The following COL27A1 variants were observed in gnomAD, a reference collection of about 807,000 sequenced individuals.
COL27A1 encodes the protein collagen alpha-1(XXVII) chain.
COL27A1 carries 106 observed loss-of-function variants against 251.3 expected under a neutral mutation model. The observed-to-expected ratio is 0.42, with a 90% CI of 0.36 to 0.50. The LOEUF is 0.50. Ranked by LOEUF, COL27A1 falls within the 20% of genes least tolerant of loss-of-function variation. COL27A1 has a pLI of 0.00. For missense variants in COL27A1, 2,325 were observed against 2,522.8 expected (o/e 0.92, Z 1.68); for synonymous variants, 1,000 against 986.3 (o/e 1.01, Z -0.26).
At chr9:114,240,905 G>T (rs759089010) in intron 21 of COL27A1, among the ~76,000 whole-genome samples, 67 of 152,326 alleles carry the variant, frequency 4.4e-4, no homozygotes, top group African/African-American at 1.2e-3. Context: ...TTAGTAGCAG[G>T]CAGGGCTGCA....
intron 22 of COL27A1, among the ~76,000 whole-genome samples, chr9:114,242,737 T>C (rs1026513679): frequency 1.3e-5 from 2 of 152,250 alleles, no homozygotes; most frequent in African/African-American, 2.4e-5. Context: ...CCAAAGGCTT[T>C]TGTTTGAGTG....
At chr9:114,264,288 C>G (rs1272563953) in intron 28 of COL27A1, 67 bp from the exon 29 acceptor site, 1 of 1,320,824 alleles carries the variant, frequency 7.6e-7, no homozygotes, top group Non-Finnish European at 1.0e-6. Flanking sequence ...GCAGCCCCGC[C>G]CTCCTGGTTC....
intron 3 of COL27A1, among the ~76,000 whole-genome samples, chr9:114,175,817 C>A (rs1013338540): frequency 6.6e-6 from 1 of 152,230 alleles, no homozygotes; most frequent in African/African-American, 2.4e-5. Flanking sequence ...AAGCCCTTCA[C>A]CCTGCTGGGT....
chr9:114,214,834 C>T (rs1564477785), intron 12 of COL27A1, among the ~76,000 whole-genome samples: 1 of 152,248 alleles, frequency 6.6e-6, no homozygotes, highest in Non-Finnish European at 1.5e-5. Flanking sequence ...ATGTTACCAA[C>T]TTGGCTGGAG....
intron 37 of COL27A1, among the ~76,000 whole-genome samples, chr9:114,277,275 C>CA (rs1835568437): frequency 6.6e-6 from 1 of 152,106 alleles, no homozygotes; most frequent in South Asian, 2.1e-4. Flanking sequence ...GCCTCGTAGA[C>CA]AAAATGCCCA....
At chr9:114,271,097 A>T in intron 36 of COL27A1, 1 of 393,238 alleles carries the variant, frequency 2.5e-6, no homozygotes, top group East Asian at 5.2e-5. Flanking sequence ...GCCCAGAGCC[A>T]GAGTCTTTGG....
Position 114,168,580 on chromosome 9 carries a change from G to A in COL27A1, c.1025G>A (p.Gly342Asp), listed in dbSNP as rs1849071775. The A allele has an allele frequency of 6.2e-7, 1 of 1,613,958 alleles. No homozygotes were observed. Among genetic ancestry groups the A allele is most frequent in the Non-Finnish European group, 8.5e-7 (1 of 1,179,982 alleles). The change falls in exon 3 of 61, where the codon GGC becomes GAC. Residue 342 changes from glycine to aspartate, a missense_variant. Gly to Asp is a moderately conservative substitution (Grantham distance 94). Transcript: ENST00000356083. The stretch of plus-strand genomic sequence containing the variant: ...GATCCCATGCTCCCAGCCTCTGTTG[G>A]CGGCTCTACCAGAACGCCTCGCCCT... ...ALDPMLPASVGGSTRTPRPAA... is the reference protein window; with the variant it reads ...ALDPMLPASVDGSTRTPRPAA...
intron 24 of COL27A1, chr9:114,246,228 G>C: frequency 3.6e-6 from 1 of 278,590 alleles, no homozygotes; most frequent in South Asian, 7.1e-5. Context: ...AGGAGCCCTT[G>C]GCAGTCGTTG....
chr9:114,239,998 C>G (rs1379941771), intron 19 of COL27A1, among the ~76,000 whole-genome samples: 1 of 152,164 alleles, frequency 6.6e-6, no homozygotes, highest in Non-Finnish European at 1.5e-5. Context: ...TTTCCTGCAC[C>G]GTCCGGTGTA....
rs549257395 is a variant in COL27A1 at position 114,301,164 on chromosome 9, C to T, written c.4755+39C>T. ...TTGGACAGGAAGACTCCGGGGTCCC[C>T]TTGCCTTCCTGGCTCCAGATTGTCT... On this transcript the variant is annotated intron_variant, in intron 52 of 60. Coordinates refer to ENST00000356083, the MANE Select transcript of COL27A1 (RefSeq NM_032888.4). The T allele has an allele frequency of 2.5e-6, 4 of 1,612,528 alleles. No homozygotes were observed. In the South Asian group the frequency reaches 3.3e-5, roughly 13 times the overall value.
In COL27A1 at chr9:114,168,282, C is replaced by G; in HGVS notation, c.727C>G (p.Gln243Glu). The stretch of plus-strand genomic sequence containing the variant: ...GCAGTGTGGACAGGCTGACACGTAC[C>G]AGTCCCCACTGGGACCTCTCTTCTC... ...RKQCGQADTY[Q>E]SPLGPLFSQD... The change falls in exon 3 of 61, where the codon CAG (glutamine) becomes GAG (glutamate). Residue 243 changes from glutamine (Q) to glutamate (E), a missense_variant. This residue lies in a region of COL27A1 where 1,183 missense variants were observed against 1,144.1 expected (regional missense o/e 1.03). Transcript: ENST00000356083. 6.2e-7 allele frequency: 1 copy of G among 1,613,722 alleles called. No individual in the cohort carries two copies.
intron 24 of COL27A1, among the ~76,000 whole-genome samples, chr9:114,250,217 C>A (rs995574125): frequency 2.0e-5 from 3 of 152,360 alleles, no homozygotes; most frequent in African/African-American, 7.2e-5. Flanking sequence ...TCCCAGCCAG[C>A]GGGTTTGTTT....
intron 33 of COL27A1, among the ~76,000 whole-genome samples, chr9:114,267,130 G>T (rs1360174409): frequency 6.6e-6 from 1 of 152,218 alleles, no homozygotes; most frequent in Non-Finnish European, 1.5e-5. Flanking sequence ...TGGCTAAGCT[G>T]TAGAGAGAAG....
At chr9:114,271,128 T>G (rs1005246774) in intron 36 of COL27A1, 11 of 291,804 alleles carry the variant, frequency 3.8e-5, no homozygotes, top group Non-Finnish European at 5.7e-5. Flanking sequence ...CTTCCAAATA[T>G]TCTAGAAGGT....
At chr9:114,249,862 C>T (rs1472549766) in intron 24 of COL27A1, among the ~76,000 whole-genome samples, 1 of 152,228 alleles carries the variant, frequency 6.6e-6, no homozygotes, top group Non-Finnish European at 1.5e-5. Flanking sequence ...CAAGGCCCTC[C>T]CGGCTCAGTT....
chr9:114,155,131 T>C (rs1339058913), upstream of COL27A1, among the ~76,000 whole-genome samples: 1 of 151,972 alleles, frequency 6.6e-6, no homozygotes, highest in East Asian at 1.9e-4. The surrounding 1 kb of genome is among the most constrained non-coding windows in gnomAD (Gnocchi z 5.5). Flanking sequence ...ATCACGATAC[T>C]GGTTGTCGTG....
chr9:114,222,716 CTT>C (rs1277168244), intron 14 of COL27A1, among the ~76,000 whole-genome samples: 11 of 152,102 alleles, frequency 7.2e-5, no homozygotes, highest in Admixed American at 3.9e-4. Flanking sequence ...CTTTTGCACT[CTT>C]TTCCTCCAAG....
chr9:114,177,728 C>T (rs1419730701), intron 3 of COL27A1, among the ~76,000 whole-genome samples: 1 of 152,178 alleles, frequency 6.6e-6, no homozygotes, highest in African/African-American at 2.4e-5. Context: ...ATTCAAAAAC[C>T]CATGCCATGC....
chr9:114,265,168 CGGGT>C, intron 31 of COL27A1, 58 bp downstream of exon 31: 1 of 997,092 alleles, frequency 1.0e-6, no homozygotes, highest in Admixed American at 2.6e-5. Flanking sequence ...GGGTGGGGGG[CGGGT>C]GCGGTGCTGA....
Sources: gnomAD v4.1 joint callset for allele counts (sites outside exome capture counted in the v4.1 genomes callset) on GRCh38, gnomAD v4.1.1 for gene constraint, gnomAD v4.1.1 regional missense constraint, Gnocchi (gnomAD v3.1) non-coding constraint, MANE v1.5 for transcripts, NCBI Gene and HGNC (gene_info 2026-07-23, HGNC 2026-07-21) for gene names.